PPP2R5E: variants seen among roughly 807,000 people sequenced by gnomAD.
PPP2R5E encodes the protein serine/threonine-protein phosphatase 2A 56 kDa regulatory subunit epsilon isoform.
A neutral mutation model predicts 65.3 loss-of-function variants in PPP2R5E; 4 were observed. The observed-to-expected ratio is 0.06, with a 90% CI of 0.03 to 0.14. The LOEUF (loss-of-function observed/expected upper bound fraction) is 0.14. Ranked by LOEUF, PPP2R5E falls within the 10% of genes least tolerant of loss-of-function variation. The pLI is 1.00. For missense variants in PPP2R5E, 274 were observed against 556.1 expected (o/e 0.49, Z 5.10); for synonymous variants, 183 against 187.4 (o/e 0.98, Z 0.19).
At chr14:63,426,641 A>AC (rs890389752) in intron 3 of PPP2R5E, among the ~76,000 whole-genome samples, 7 of 150,508 alleles carry the variant, frequency 4.7e-5, no homozygotes, top group Admixed American at 1.3e-4. Flanking sequence ...TTTATATAAG[A>AC]CTACTGCTGT....
chr14:63,455,765 C>T (rs528681385), intron 2 of PPP2R5E, among the ~76,000 whole-genome samples: 37 of 152,150 alleles, frequency 2.4e-4, no homozygotes, highest in African/African-American at 7.2e-4. Flanking sequence ...CTTTCGAGAT[C>T]GAAATCAGAC....
intron 7 of PPP2R5E, 117 bp from the exon 8 acceptor site, chr14:63,394,045 C>T: frequency 1.8e-6 from 1 of 560,836 alleles, no homozygotes; most frequent in East Asian, 2.9e-5. Context: ...AACATAATAC[C>T]CACCCCAGTG....
chr14:63,467,384 G>A (rs1791703054), intron 2 of PPP2R5E, among the ~76,000 whole-genome samples: 1 of 152,038 alleles, frequency 6.6e-6, no homozygotes, highest in Admixed American at 6.6e-5. Flanking sequence ...GCCTTTTTCT[G>A]AATTTTGATA....
intron 3 of PPP2R5E, among the ~76,000 whole-genome samples, chr14:63,447,055 G>A (rs1451742921): frequency 1.3e-5 from 2 of 152,146 alleles, no homozygotes; most frequent in Non-Finnish European, 2.9e-5. Context: ...TCCATTTACA[G>A]AGCATAGGCA....
chr14:63,451,660 A>G (rs1888833791), intron 3 of PPP2R5E: 1 of 152,186 alleles, frequency 6.6e-6, no homozygotes, highest in Non-Finnish European at 1.5e-5. Flanking sequence ...ACATTTGTCT[A>G]AACTCAGAAT....
intron 3 of PPP2R5E, among the ~76,000 whole-genome samples, chr14:63,449,515 G>A (rs1241809923): frequency 1.3e-5 from 2 of 152,164 alleles, no homozygotes; most frequent in Non-Finnish European, 2.9e-5. Context: ...ACCAGCACCA[G>A]GATGTATATA....
chr14:63,397,043 C>G (rs751524378), intron 5 of PPP2R5E, among the ~76,000 whole-genome samples: 1 of 152,216 alleles, frequency 6.6e-6, no homozygotes, highest in Non-Finnish European at 1.5e-5. Context: ...TAGTTTTGTC[C>G]CCCTTTTACA....
intron 1 of PPP2R5E, among the ~76,000 whole-genome samples, chr14:63,541,411 A>G (rs555134875): frequency 4.5e-4 from 69 of 152,226 alleles, no homozygotes; most frequent in Non-Finnish European, 8.2e-4. Context: ...CATCAAACTT[A>G]CGGAACTGAA....
intron 2 of PPP2R5E, among the ~76,000 whole-genome samples, chr14:63,466,314 A>G (rs572376235): frequency 7.0e-4 from 107 of 151,828 alleles, no homozygotes; most frequent in African/African-American, 2.5e-3. Context: ...CCAATGTTGC[A>G]ATGCCAGCTT....
Position 63,495,577 on chromosome 14 carries a change from T to C in PPP2R5E, c.158-41692A>G, listed in dbSNP as rs192179454. On this transcript the variant is annotated intron_variant, in intron 2 of 13. Coordinates refer to ENST00000337537, the MANE Select transcript of PPP2R5E (RefSeq NM_006246.5). ...GCCTGGGTGACAGTGCAAGGCTCCA[T>C]TTAAAAAAATAAAGTAAAATAAACA... Among the ~76,000 whole-genome samples, 175 of 152,110 alleles carry C rather than the reference T, an allele frequency of 1.2e-3. 2 individuals carry two copies. The East Asian group carries it at 0.012, about 10-fold the overall frequency.
chr14:63,488,345 A>G (rs1456186448), intron 2 of PPP2R5E, among the ~76,000 whole-genome samples: 1 of 151,896 alleles, frequency 6.6e-6, no homozygotes, highest in African/African-American at 2.4e-5. Flanking sequence ...CTAGAGGCGC[A>G]CACCACCATG....
At chr14:63,449,418 T>TA (rs1888685607) in intron 3 of PPP2R5E, among the ~76,000 whole-genome samples, 1 of 152,352 alleles carries the variant, frequency 6.6e-6, no homozygotes, top group South Asian at 2.1e-4. Context: ...TGCCACATGT[T>TA]AGAGACTGTT....
rs1322925082 is a variant in PPP2R5E, at chr14:63,543,225, G to A, written c.-454C>T. 3 of 153,536 alleles carry A rather than the reference G, an allele frequency of 2.0e-5. No homozygotes were observed. Among genetic ancestry groups the A allele is most frequent in the East Asian group, 1.9e-4 (1 of 5,216 alleles). The allele number at this position is 153,536 out of a possible 1,614,324, so 9.5% of individuals were successfully genotyped here. On this transcript the variant is annotated 5_prime_UTR_variant, in exon 1 of 14. Transcript: ENST00000337537. ...CAGCAAGAGAAGGGGACAGAATAAGGAGGAGGAGCCGCAGGAGCTGGAGCC... is the reference window on the plus strand; with the variant it reads ...CAGCAAGAGAAGGGGACAGAATAAGAAGGAGGAGCCGCAGGAGCTGGAGCC...
chr14:63,480,264 C>T (rs1890628216), intron 2 of PPP2R5E, among the ~76,000 whole-genome samples: 2 of 152,080 alleles, frequency 1.3e-5, no homozygotes, highest in African/African-American at 4.8e-5. Flanking sequence ...TCAGGACCAG[C>T]CTGGCCAACA....
At chr14:63,501,760 A>T (rs555843599) in intron 2 of PPP2R5E, among the ~76,000 whole-genome samples, 1 of 152,324 alleles carries the variant, frequency 6.6e-6, no homozygotes, top group Admixed American at 6.5e-5. Flanking sequence ...GTGGTGACAT[A>T]TATTCAAAAC....
At chr14:63,462,073 A>ATTTTT (rs10717359) in intron 2 of PPP2R5E, among the ~76,000 whole-genome samples, 1,793 of 144,624 alleles carry the variant, frequency 0.012, 29 homozygotes, top group African/African-American at 0.039. Context: ...TTTCAACTGT[A>ATTTTT]TTTTTTTTTT....
intron 2 of PPP2R5E, among the ~76,000 whole-genome samples, chr14:63,466,351 G>T (rs1198192602): frequency 6.6e-6 from 1 of 151,592 alleles, no homozygotes; most frequent in Non-Finnish European, 1.5e-5. Flanking sequence ...AACCTCTGTT[G>T]GGATTTTAAA....
At chr14:63,421,914 G>T in intron 4 of PPP2R5E, 79 bp downstream of exon 4, 2 of 1,072,902 alleles carry the variant, frequency 1.9e-6, no homozygotes, top group Non-Finnish European at 1.4e-6. Flanking sequence ...GGTGAATAAA[G>T]CCCTTCAAGG....
At position 63,482,794 on chromosome 14, in the gene PPP2R5E, C is replaced by A. The variant is rs370318677; in HGVS notation, c.158-28909G>T. Reference sequence around the variant, plus strand: ...CCCCTAGAAAATCTAACAGAATAACCTGTTCATCATCAGTTTAATTTACCC... The same window carrying A: ...CCCCTAGAAAATCTAACAGAATAACATGTTCATCATCAGTTTAATTTACCC... On this transcript the variant is annotated intron_variant, in intron 2 of 13. Transcript: ENST00000337537. Among the ~76,000 whole-genome samples the A allele has an allele frequency of 1.6e-4, 24 of 152,288 alleles. No individual in the cohort carries two copies. In the South Asian group the frequency reaches 4.6e-3, roughly 29 times the overall value.
Sources: gnomAD v4.1 joint callset for allele counts (sites outside exome capture counted in the v4.1 genomes callset) on GRCh38, gnomAD v4.1.1 for gene constraint, MANE v1.5 for transcripts, NCBI Gene and HGNC (gene_info 2026-07-23, HGNC 2026-07-21) for gene names.